The following CFAP61 variants were observed in gnomAD, a reference collection of about 807,000 sequenced individuals.
CFAP61 encodes the protein cilia and flagella associated protein 61, also known as cilia- and flagella-associated protein 61.
CFAP61 carries 107 observed loss-of-function variants against 135.6 expected under a neutral mutation model. That is an observed-to-expected ratio of 0.79 (90% CI 0.67 to 0.93). CFAP61 has a LOEUF of 0.93. CFAP61 is among the 40% of genes least tolerant of loss of function. The pLI is 0.00. For synonymous variants in CFAP61, 575 were observed against 578.5 expected (o/e 0.99, Z 0.09); for missense variants, 1,507 against 1,556.2 (o/e 0.97, Z 0.53).
intron 25 of CFAP61, among the ~76,000 whole-genome samples, chr20:20,305,092 A>G (rs1193420414): frequency 6.6e-6 from 1 of 152,158 alleles, no homozygotes; most frequent in African/African-American, 2.4e-5. Flanking sequence ...CTGCCCTCAG[A>G]CAGCCCGGCC....
chr20:20,205,748 T>C (rs2056828040), intron 17 of CFAP61, among the ~76,000 whole-genome samples: 1 of 152,236 alleles, frequency 6.6e-6, no homozygotes, highest in Non-Finnish European at 1.5e-5. Context: ...CACCTGCTGA[T>C]TCAGGCTGTC....
chr20:20,116,289 TG>T (rs2049135310), intron 8 of CFAP61, among the ~76,000 whole-genome samples: 1 of 152,216 alleles, frequency 6.6e-6, no homozygotes, highest in African/African-American at 2.4e-5. Context: ...TGAGTTTTTT[TG>T]CTATTGAATT....
intron 25 of CFAP61, among the ~76,000 whole-genome samples, chr20:20,318,768 C>T (rs1341337782): frequency 6.6e-6 from 1 of 152,150 alleles, no homozygotes; most frequent in Non-Finnish European, 1.5e-5. Context: ...ATGTCCCAGC[C>T]CTGAGGCCAG....
rs926553216 is a variant in CFAP61, at chr20:20,203,324, T to C, written c.1932+3422T>C. On this transcript the variant is annotated intron_variant, in intron 17 of 26. Coordinates refer to ENST00000245957, the MANE Select transcript of CFAP61 (RefSeq NM_015585.4). ...CTGACCAAGACCGTAATTGACATCA[T>C]AGACCTGAAAGATTCTTTTCTGAGC... is the stretch of plus-strand genomic sequence containing the variant. Among the ~76,000 whole-genome samples, 9 of 152,362 alleles carry C rather than the reference T, an allele frequency of 5.9e-5. No homozygotes were observed. The East Asian group carries it at 1.2e-3, about 20-fold the overall frequency.
chr20:20,154,640 CACAA>C (rs893270068), intron 9 of CFAP61, among the ~76,000 whole-genome samples: 3 of 151,658 alleles, frequency 2.0e-5, no homozygotes, highest in Admixed American at 6.6e-5. Context: ...AACAACAACA[CACAA>C]ACAAAAAAAT....
At chr20:20,089,389 T>C (rs545586789) in intron 6 of CFAP61, among the ~76,000 whole-genome samples, 2 of 149,938 alleles carry the variant, frequency 1.3e-5, no homozygotes, top group South Asian at 4.2e-4. Flanking sequence ...CTGAGCTTTA[T>C]ATATATATAT....
At chr20:20,140,078 G>T (rs1198955441) in intron 8 of CFAP61, among the ~76,000 whole-genome samples, 1 of 149,740 alleles carries the variant, frequency 6.7e-6, no homozygotes, top group Non-Finnish European at 1.5e-5. Flanking sequence ...ATACCTTTGA[G>T]AGGAGTATTG....
At chr20:20,184,367 G>A (rs1221888808) in intron 13 of CFAP61, among the ~76,000 whole-genome samples, 2 of 152,220 alleles carry the variant, frequency 1.3e-5, no homozygotes, top group Non-Finnish European at 2.9e-5. Flanking sequence ...TGAGGTGGCA[G>A]CAGTGAGCAA....
rs1374737210 is a variant in CFAP61, at chr20:20,191,363, T to C, written c.1534T>C (p.Phe512Leu). The C allele has an allele frequency of 6.2e-7, 1 of 1,613,398 alleles. No homozygotes were observed. Among genetic ancestry groups the C allele is most frequent in the Non-Finnish European group, 8.5e-7 (1 of 1,179,548 alleles). Residue 512 changes from phenylalanine to leucine, a missense_variant, in exon 15 of 27, where the codon TTT (phenylalanine) becomes CTT (leucine). By Grantham distance (22) the Phe-to-Leu change is conservative. Transcript: ENST00000245957. ...TCAGGATGGAACACTGCTGCAGGCA[T>C]TTGTAGCTGAAGTTGCAGAACAAAT... ...KDPDGTLLQA[F>L]VAEVAEQIVG...
intron 21 of CFAP61, among the ~76,000 whole-genome samples, chr20:20,274,164 A>G (rs1167453955): frequency 6.6e-6 from 1 of 152,202 alleles, no homozygotes. Context: ...TCTAAATGCT[A>G]TTGTTATCAA....
At chr20:20,356,421 G>A (rs2059169260) in intron 26 of CFAP61, among the ~76,000 whole-genome samples, 1 of 151,798 alleles carries the variant, frequency 6.6e-6, no homozygotes, top group African/African-American at 2.4e-5. Context: ...CTGAGGGGAG[G>A]TGGTCACACT....
At chr20:20,081,348 G>T (rs1378198643) in intron 6 of CFAP61, among the ~76,000 whole-genome samples, 1 of 152,202 alleles carries the variant, frequency 6.6e-6, no homozygotes, top group African/African-American at 2.4e-5. Context: ...CTGGAGGTAT[G>T]TAGGGCTTAA....
chr20:20,201,841 T>A (rs1254338192), intron 17 of CFAP61, among the ~76,000 whole-genome samples: 1 of 152,204 alleles, frequency 6.6e-6, no homozygotes, highest in Non-Finnish European at 1.5e-5. Flanking sequence ...AGCCCACGGC[T>A]CCTGCACCTT....
intron 25 of CFAP61, among the ~76,000 whole-genome samples, chr20:20,339,882 T>C (rs1205605383): frequency 6.6e-6 from 1 of 152,126 alleles, no homozygotes; most frequent in Non-Finnish European, 1.5e-5. Context: ...GTAAAATAGG[T>C]TTGGTTAAAT....
At chr20:20,355,823 A>AAG (rs2059106787) in intron 26 of CFAP61, among the ~76,000 whole-genome samples, 25 of 97,748 alleles carry the variant, frequency 2.6e-4, no homozygotes, top group East Asian at 1.8e-3. Flanking sequence ...GTGAGCAGAG[A>AAG]TGGTCACACT....
In CFAP61 at chr20:20,246,184, G is replaced by A; in HGVS notation, c.2128G>A (p.Asp710Asn). 1 of 1,613,556 alleles carries A rather than the reference G, an allele frequency of 6.2e-7. No individual in the cohort carries two copies. The highest frequency in any genetic ancestry group is 8.5e-7 in the Non-Finnish European group (1 of 1,179,538). Residue 710 changes from aspartate to asparagine, a missense_variant, in exon 19 of 27, where the codon GAC becomes AAC. Physicochemically the swap from Asp to Asn is conservative, Grantham distance 23. Coordinates refer to ENST00000245957, the MANE Select transcript of CFAP61 (RefSeq NM_015585.4). The stretch of plus-strand genomic sequence containing the variant: ...TGGACTCCCAGGAAAAAAACTTCTG[G>A]ACACTGAACAAAGGAAATTTTTAGC... Reference protein sequence around the residue: ...THGLPGKKLLDTEQRKFLASD... With the variant: ...THGLPGKKLLNTEQRKFLASD...
At chr20:20,081,113 A>G (rs6046600) in intron 6 of CFAP61, among the ~76,000 whole-genome samples, 93,635 of 152,088 alleles carry the variant, frequency 0.62, 29,154 homozygotes, top group East Asian at 0.82. Context: ...TACAGGTTCC[A>G]TTTTAAATGA....
At chr20:20,104,763 A>G (rs6075616) in intron 8 of CFAP61, among the ~76,000 whole-genome samples, 47,067 of 152,084 alleles carry the variant, frequency 0.31, 7,786 homozygotes, top group East Asian at 0.66. Context: ...TGAGGCCAGA[A>G]GTCAAGATGT....
At chr20:20,325,696 G>C (rs968182914) in intron 25 of CFAP61, among the ~76,000 whole-genome samples, 2 of 152,076 alleles carry the variant, frequency 1.3e-5, no homozygotes, top group Non-Finnish European at 2.9e-5. Flanking sequence ...TTTTTGTATG[G>C]GCATAAGTTT....
Sources: gnomAD v4.1 joint callset for allele counts (sites outside exome capture counted in the v4.1 genomes callset) on GRCh38, gnomAD v4.1.1 for gene constraint, MANE v1.5 for transcripts, NCBI Gene and HGNC (gene_info 2026-07-23, HGNC 2026-07-21) for gene names.